Variants in FBXL17 observed in about 807,000 individuals in gnomAD.
The protein encoded by FBXL17 is F-box and leucine rich repeat protein 17, also known as F-box/LRR-repeat protein 17.
Under a neutral mutation model 66.2 loss-of-function variants are expected in FBXL17, and 22 were observed. The observed-to-expected ratio is 0.33, with a 90% CI of 0.24 to 0.47. The LOEUF (loss-of-function observed/expected upper bound fraction) is 0.47, where lower values mean the gene tolerates loss of function less well. FBXL17 is among the 20% of genes least tolerant of loss of function. The probability of loss-of-function intolerance (pLI) is 1.00; values close to 1 mark genes in which losing one functional copy is unlikely to be tolerated. For synonymous variants in FBXL17, 474 were observed against 400.5 expected, an observed-to-expected ratio of 1.18 and a Z score of -2.19; for missense variants, 878 against 948.2, an observed-to-expected ratio of 0.93 and a Z score of 0.97.
At chr5:108,114,819 C>G (rs1750179899) in intron 6 of FBXL17, among the ~76,000 whole-genome samples, 1 of 152,132 alleles carries the variant, frequency 6.6e-6, no homozygotes, top group South Asian at 2.1e-4. Flanking sequence ...GCTTGTGATA[C>G]TACATCATTT....
At chr5:107,924,060 GTTTTTTTTT>G (rs34494908) in intron 7 of FBXL17, among the ~76,000 whole-genome samples, 1 of 107,578 alleles carries the variant, frequency 9.3e-6, no homozygotes, top group Non-Finnish European at 1.7e-5. Context: ...TGAGCTTAGT[GTTTTTTTTT>G]TTTTTTTTTT....
At chr5:108,059,777 C>A (rs1041124288) in intron 6 of FBXL17, among the ~76,000 whole-genome samples, 15 of 152,042 alleles carry the variant, frequency 9.9e-5, no homozygotes, top group Non-Finnish European at 1.9e-4. Context: ...AATACACGTA[C>A]AATTTTACAA....
intron 6 of FBXL17, among the ~76,000 whole-genome samples, chr5:108,145,691 G>A (rs1751526425): frequency 6.6e-6 from 1 of 152,094 alleles, no homozygotes; most frequent in African/African-American, 2.4e-5. Flanking sequence ...CAACAGTGAG[G>A]TCAGTTTTGA....
intron 5 of FBXL17, among the ~76,000 whole-genome samples, chr5:108,201,318 T>C (rs1267855143): frequency 1.3e-5 from 2 of 152,296 alleles, no homozygotes; most frequent in African/African-American, 4.8e-5. Context: ...TGAATGTATG[T>C]ACTGTGTTGA....
intron 3 of FBXL17, among the ~76,000 whole-genome samples, chr5:108,357,447 A>G (rs187763317): frequency 1.7e-3 from 258 of 152,164 alleles, no homozygotes; most frequent in South Asian, 4.6e-3. Context: ...AAATTAGTAA[A>G]GGCATAGTTC....
intron 6 of FBXL17, among the ~76,000 whole-genome samples, chr5:108,044,973 C>T (rs776351057): frequency 6.6e-6 from 1 of 151,966 alleles, no homozygotes; most frequent in South Asian, 2.1e-4. Context: ...TGTGCAAGGT[C>T]GGTAGTAATA....
At chr5:108,366,048 T>C (rs1748638931) in intron 2 of FBXL17, among the ~76,000 whole-genome samples, 1 of 152,132 alleles carries the variant, frequency 6.6e-6, no homozygotes, top group Non-Finnish European at 1.5e-5. Context: ...CTTTTACACT[T>C]GATATCAGAT....
intron 7 of FBXL17, among the ~76,000 whole-genome samples, chr5:107,958,198 CTTTA>C (rs773990801): frequency 6.7e-6 from 1 of 149,878 alleles, no homozygotes; most frequent in Non-Finnish European, 1.5e-5. Flanking sequence ...CAGGTTCTGT[CTTTA>C]TTTATTTATT....
At chr5:107,944,829 A>T (rs1373302429) in intron 7 of FBXL17, among the ~76,000 whole-genome samples, 3 of 152,152 alleles carry the variant, frequency 2.0e-5, no homozygotes, top group African/African-American at 7.2e-5. Context: ...AGCAAATTCA[A>T]ACTTTCAGGA....
rs1213735332 is a variant in FBXL17, at chr5:107,936,142, A to G, written c.1823-54963T>C. On this transcript the variant is annotated intron_variant, in intron 7 of 8. Coordinates refer to ENST00000542267, the MANE Select transcript of FBXL17 (RefSeq NM_001163315.3). ...CTAGGAGTATGGTATCCATTTTTCT[A>G]AAGTTGTATTGATAGTTTCTTTTAG... Among the ~76,000 whole-genome samples the G allele has an allele frequency of 2.8e-5, 3 of 109,056 alleles. No homozygotes were observed. In the Admixed American group the frequency reaches 2.8e-4, roughly 10 times the overall value. The allele number at this position is 109,056 out of a possible 152,430, so 71.5% of individuals were successfully genotyped here. A position where few individuals can be genotyped will look rare whatever the true frequency, so the allele number is the denominator to read the frequency against.
At chr5:107,959,703 A>G (rs1490650818) in intron 7 of FBXL17, among the ~76,000 whole-genome samples, 3 of 152,178 alleles carry the variant, frequency 2.0e-5, no homozygotes, top group Non-Finnish European at 4.4e-5. Context: ...ATTTGTTACT[A>G]AAAACATTAC....
intron 6 of FBXL17, among the ~76,000 whole-genome samples, chr5:108,175,282 C>T (rs1374627017): frequency 6.6e-6 from 1 of 152,116 alleles, no homozygotes; most frequent in Non-Finnish European, 1.5e-5. Flanking sequence ...CCAGGTCCTC[C>T]TCACAAGGAG....
intron 6 of FBXL17, among the ~76,000 whole-genome samples, chr5:108,137,918 C>T (rs1751205219): frequency 6.6e-6 from 1 of 152,136 alleles, no homozygotes; most frequent in Non-Finnish European, 1.5e-5. Flanking sequence ...CACAACACTT[C>T]CAAGATAAAT....
At chr5:108,268,507 G>C (rs979806205) in intron 4 of FBXL17, among the ~76,000 whole-genome samples, 6 of 151,810 alleles carry the variant, frequency 4.0e-5, no homozygotes, top group African/African-American at 9.7e-5. Flanking sequence ...TCAGTCACTT[G>C]GCACAATACT....
intron 4 of FBXL17, among the ~76,000 whole-genome samples, chr5:108,227,943 G>T (rs900885719): frequency 1.3e-5 from 2 of 152,134 alleles, no homozygotes; most frequent in African/African-American, 4.8e-5. Flanking sequence ...TAAACACCCT[G>T]CTCAATTTCA....
chr5:108,262,081 TATTTA>T (rs1561494045), intron 4 of FBXL17, among the ~76,000 whole-genome samples: 5 of 143,862 alleles, frequency 3.5e-5, no homozygotes, highest in Non-Finnish European at 1.5e-5. Flanking sequence ...TTTATTTATT[TATTTA>T]TTTTTTTTGA....
At chr5:108,015,855 T>C (rs1229821155) in intron 7 of FBXL17, among the ~76,000 whole-genome samples, 1 of 152,120 alleles carries the variant, frequency 6.6e-6, no homozygotes, top group African/African-American at 2.4e-5. Context: ...GAGGTGTGGG[T>C]TACACCAAAA....
At chr5:108,130,047 G>A (rs143255887) in intron 6 of FBXL17, among the ~76,000 whole-genome samples, 119 of 151,790 alleles carry the variant, frequency 7.8e-4, no homozygotes, top group African/African-American at 2.7e-3. Context: ...TGTTTCAAAG[G>A]AAGAATAATC....
chr5:108,208,797 C>CT (rs1263657171), intron 5 of FBXL17, among the ~76,000 whole-genome samples: 1 of 152,080 alleles, frequency 6.6e-6, no homozygotes, highest in African/African-American at 2.4e-5. Flanking sequence ...TATAAGGGCT[C>CT]TTTTTTGGTT....
Sources: allele counts gnomAD v4.1 joint callset (sites outside exome capture counted in the v4.1 genomes callset), GRCh38; gene constraint gnomAD v4.1.1; transcripts MANE v1.5; gene names NCBI Gene and HGNC (gene_info 2026-07-23, HGNC 2026-07-21).